GRM5: variants seen among roughly 807,000 people sequenced by gnomAD.
GRM5 encodes metabotropic glutamate receptor 5.
A neutral mutation model predicts 83.1 loss-of-function variants in GRM5; 19 were observed. That is an observed-to-expected ratio of 0.23 (90% CI 0.16 to 0.34). The LOEUF (loss-of-function observed/expected upper bound fraction) is 0.34. Ranked by LOEUF, GRM5 falls within the 10% of genes least tolerant of loss-of-function variation. The pLI is 1.00. For missense variants in GRM5, 1,160 were observed against 1,588.3 expected, an observed-to-expected ratio of 0.73 and a Z score of 4.58; for synonymous variants, 675 against 633.6, an observed-to-expected ratio of 1.07 and a Z score of -0.98.
intron 2 of GRM5, among the ~76,000 whole-genome samples, chr11:89,015,904 C>T (rs2226563): frequency 0.67 from 101,471 of 151,960 alleles, 35,497 homozygotes; most frequent in African/African-American, 0.89. Context: ...TTAACCTCAT[C>T]GCTTTTGTTT....
chr11:88,978,020 G>A (rs763825148), intron 2 of GRM5, among the ~76,000 whole-genome samples: 2 of 152,026 alleles, frequency 1.3e-5, no homozygotes, highest in Non-Finnish European at 2.9e-5. Flanking sequence ...CTACTTTATT[G>A]GGTATCATAT....
At chr11:88,741,016 C>T (rs1445724988) in intron 3 of GRM5, among the ~76,000 whole-genome samples, 1 of 151,938 alleles carries the variant, frequency 6.6e-6, no homozygotes, top group African/African-American at 2.4e-5. Context: ...GGATTGTATA[C>T]TATGTGTTCA....
chr11:88,815,079 C>T, intron 3 of GRM5, among the ~76,000 whole-genome samples: 1 of 152,124 alleles, frequency 6.6e-6, no homozygotes, highest in Non-Finnish European at 1.5e-5. Flanking sequence ...TCAACAAGGG[C>T]TAACTGAAAT....
In GRM5 at chr11:88,845,725, G is replaced by GCCCC. The variant is rs66888159; in HGVS notation, c.911+4177_911+4180dup. 3.6e-3 allele frequency among the ~76,000 whole-genome samples: 529 copies of GCCCC among 147,328 alleles called. 22 individuals are homozygous for GCCCC. The highest frequency in any genetic ancestry group is 0.012 in the African/African-American group (460 of 37,748). ...TGGGATTACAGGCATGAACCACCGC[G>GCCCC]CCCCCCCCCACTTTTTATATGAATT... On this transcript the variant is annotated intron_variant, in intron 3 of 9. Transcript: ENST00000305447.
intron 2 of GRM5, among the ~76,000 whole-genome samples, chr11:89,010,826 T>C (rs1035223655): frequency 2.6e-5 from 4 of 151,640 alleles, no homozygotes; most frequent in African/African-American, 9.7e-5. Context: ...CATGGTGCCA[T>C]ATGTATTAAG....
chr11:88,834,734 G>T (rs1482705944), intron 3 of GRM5, among the ~76,000 whole-genome samples: 1 of 152,160 alleles, frequency 6.6e-6, no homozygotes, highest in Non-Finnish European at 1.5e-5. Flanking sequence ...CTTCAGACGT[G>T]ATTTGCAAAG....
At chr11:88,940,370 TTTTTTTTCTTTTTTTC>T (rs976069209) in intron 2 of GRM5, among the ~76,000 whole-genome samples, 1 of 151,146 alleles carries the variant, frequency 6.6e-6, no homozygotes, top group Non-Finnish European at 1.5e-5. Context: ...AGGGACAATT[TTTTTTTTCTTTTTTTC>T]TTTTTTTCTT....
intron 8 of GRM5, among the ~76,000 whole-genome samples, chr11:88,534,267 GCA>G (rs1942083211): frequency 6.6e-6 from 1 of 152,164 alleles, no homozygotes; most frequent in Non-Finnish European, 1.5e-5. Context: ...CTGACGACTT[GCA>G]CTGTGTGCCT....
intron 3 of GRM5, among the ~76,000 whole-genome samples, chr11:88,818,858 C>T (rs533501780): frequency 6.6e-6 from 1 of 152,262 alleles, no homozygotes; most frequent in African/African-American, 2.4e-5. Context: ...TGTATAGACT[C>T]AAAAAGTTGT....
At chr11:88,767,806 C>T (rs1477899656) in intron 3 of GRM5, among the ~76,000 whole-genome samples, 1 of 151,834 alleles carries the variant, frequency 6.6e-6, no homozygotes, top group Non-Finnish European at 1.5e-5. Flanking sequence ...AACAAACCTG[C>T]ACATGTACCC....
chr11:88,953,891 A>G (rs569571928), intron 2 of GRM5, among the ~76,000 whole-genome samples: 2 of 152,324 alleles, frequency 1.3e-5, no homozygotes, highest in South Asian at 2.1e-4. Context: ...GTTTTAAGAG[A>G]AGTATTTTAC....
intron 3 of GRM5, among the ~76,000 whole-genome samples, chr11:88,744,006 G>A (rs1035651457): frequency 6.6e-6 from 1 of 152,080 alleles, no homozygotes; most frequent in Admixed American, 6.6e-5. Context: ...TGCTGAACAA[G>A]GCAACTGTCC....
intron 2 of GRM5, among the ~76,000 whole-genome samples, chr11:88,881,558 T>C (rs1006323921): frequency 3.3e-5 from 5 of 152,200 alleles, no homozygotes; most frequent in Non-Finnish European, 5.9e-5. Flanking sequence ...TTATTTTCTC[T>C]TCACTAGAAG....
At chr11:88,686,513 G>T (rs1270557552) in intron 3 of GRM5, among the ~76,000 whole-genome samples, 1 of 152,076 alleles carries the variant, frequency 6.6e-6, no homozygotes, top group Non-Finnish European at 1.5e-5. Flanking sequence ...AAATGTGAAG[G>T]CATAAGATTT....
At chr11:88,836,720 A>G (rs763324897) in intron 3 of GRM5, among the ~76,000 whole-genome samples, 1 of 152,138 alleles carries the variant, frequency 6.6e-6, no homozygotes, top group Non-Finnish European at 1.5e-5. Flanking sequence ...GCTTGAACTC[A>G]GGAGACAGAG....
At chr11:88,963,679 C>A (rs1305592091) in intron 2 of GRM5, among the ~76,000 whole-genome samples, 2 of 152,112 alleles carry the variant, frequency 1.3e-5, no homozygotes, top group Non-Finnish European at 2.9e-5. Flanking sequence ...GTTTAAACCA[C>A]TTGTAATTTC....
At chr11:88,602,162 G>A (rs1938017945) in intron 5 of GRM5, among the ~76,000 whole-genome samples, 1 of 151,998 alleles carries the variant, frequency 6.6e-6, no homozygotes, top group Non-Finnish European at 1.5e-5. Flanking sequence ...GGAACTAAAT[G>A]AGGCTATTTA....
intron 2 of GRM5, among the ~76,000 whole-genome samples, chr11:88,903,461 G>A (rs1203521145): frequency 6.6e-6 from 1 of 152,094 alleles, no homozygotes; most frequent in Non-Finnish European, 1.5e-5. Context: ...GTTTATCACA[G>A]CATTATTCAC....
intron 3 of GRM5, among the ~76,000 whole-genome samples, chr11:88,757,433 C>A (rs1942417724): frequency 6.6e-6 from 1 of 152,140 alleles, no homozygotes; most frequent in African/African-American, 2.4e-5. Flanking sequence ...ACAGAGCCTG[C>A]CAGCCTCACC....
Sources: gnomAD v4.1 joint callset for allele counts (sites outside exome capture counted in the v4.1 genomes callset) on GRCh38, gnomAD v4.1.1 for gene constraint, MANE v1.5 for transcripts, NCBI Gene and HGNC (gene_info 2026-07-23, HGNC 2026-07-21) for gene names.